Variants in GALNTL6 observed in about 807,000 individuals in gnomAD.
GALNTL6 encodes polypeptide N-acetylgalactosaminyltransferase-like 6.
GALNTL6 carries 46 observed loss-of-function variants against 73.7 expected under a neutral mutation model. That is an observed-to-expected ratio of 0.62 (90% CI 0.49 to 0.80). The LOEUF (loss-of-function observed/expected upper bound fraction) is 0.80. GALNTL6 is among the 30% of genes least tolerant of loss of function. GALNTL6 has a pLI of 0.00. For synonymous variants in GALNTL6, 259 were observed against 263.7 expected (o/e 0.98, Z 0.17); for missense variants, 604 against 755.0 (o/e 0.80, Z 2.34).
intron 2 of GALNTL6, among the ~76,000 whole-genome samples, chr4:172,117,037 C>A (rs1057015984): frequency 2.6e-5 from 4 of 152,024 alleles, no homozygotes; most frequent in African/African-American, 9.7e-5. Context: ...TTTGTTCTAG[C>A]AAAATTATTT....
At chr4:173,037,106 G>A (rs939770405) in intron 12 of GALNTL6, among the ~76,000 whole-genome samples, 2 of 152,182 alleles carry the variant, frequency 1.3e-5, no homozygotes, top group Non-Finnish European at 2.9e-5. Context: ...AAGGCAGAGG[G>A]TGCTTTGAGA....
At chr4:172,476,304 G>T (rs1415733261) in intron 5 of GALNTL6, among the ~76,000 whole-genome samples, 3 of 152,144 alleles carry the variant, frequency 2.0e-5, no homozygotes, top group Admixed American at 2.0e-4. Context: ...GGCCTCTTTT[G>T]CAAAGGCACT....
chr4:171,993,306 A>T (rs1335400665), intron 2 of GALNTL6, among the ~76,000 whole-genome samples: 1 of 152,036 alleles, frequency 6.6e-6, no homozygotes, highest in Non-Finnish European at 1.5e-5. Context: ...CTACAGGCTT[A>T]TTATGTGATA....
chr4:172,851,766 A>G (rs1232659345), intron 7 of GALNTL6, among the ~76,000 whole-genome samples: 1 of 152,204 alleles, frequency 6.6e-6, no homozygotes, highest in Non-Finnish European at 1.5e-5. Flanking sequence ...GGTTTGATTC[A>G]CCCACATTGG....
At chr4:172,802,058 A>G (rs995012376) in intron 5 of GALNTL6, among the ~76,000 whole-genome samples, 3 of 152,156 alleles carry the variant, frequency 2.0e-5, no homozygotes, top group Admixed American at 1.3e-4. Context: ...TTATTGAAAA[A>G]AATCAAGCCC....
intron 5 of GALNTL6, among the ~76,000 whole-genome samples, chr4:172,780,032 G>T (rs149944172): frequency 6.6e-6 from 1 of 151,754 alleles, no homozygotes; most frequent in African/African-American, 2.4e-5. Flanking sequence ...GCAAAATTAG[G>T]CATCACCTTA....
intron 9 of GALNTL6, among the ~76,000 whole-genome samples, chr4:172,948,732 A>G (rs1749296701): frequency 6.6e-6 from 1 of 151,614 alleles, no homozygotes; most frequent in Non-Finnish European, 1.5e-5. Context: ...CAGCCTCCCA[A>G]AGTGCTGGGA....
intron 5 of GALNTL6, among the ~76,000 whole-genome samples, chr4:172,428,697 T>G (rs982143603): frequency 1.2e-4 from 18 of 152,228 alleles, no homozygotes; most frequent in Non-Finnish European, 2.5e-4. Flanking sequence ...GGCTTTGCCC[T>G]TATTTTAATT....
At chr4:171,922,488 A>G (rs1409361790) in intron 2 of GALNTL6, among the ~76,000 whole-genome samples, 1 of 152,092 alleles carries the variant, frequency 6.6e-6, no homozygotes, top group East Asian at 1.9e-4. Context: ...AATGTACTGG[A>G]TAAGGGATTC....
intron 4 of GALNTL6, among the ~76,000 whole-genome samples, chr4:172,330,833 C>T (rs552059373): frequency 1.9e-4 from 29 of 152,234 alleles, no homozygotes; most frequent in Middle Eastern, 3.4e-3. Context: ...AAGTTGACCC[C>T]TTGCTGCTGA....
chr4:172,373,056 C>T (rs1019366148), intron 5 of GALNTL6, among the ~76,000 whole-genome samples: 7 of 152,282 alleles, frequency 4.6e-5, no homozygotes, highest in South Asian at 2.1e-4. Context: ...ATGAGGCTTC[C>T]GAACTGGTAG....
chr4:172,406,866 T>C (rs1401231433), intron 5 of GALNTL6, among the ~76,000 whole-genome samples: 1 of 152,062 alleles, frequency 6.6e-6, no homozygotes, highest in African/African-American at 2.4e-5. Flanking sequence ...ATAGTTTCAA[T>C]AATTCAAGAT....
intron 12 of GALNTL6, among the ~76,000 whole-genome samples, chr4:173,030,791 G>A (rs568659806): frequency 3.3e-5 from 5 of 150,124 alleles, no homozygotes; most frequent in African/African-American, 1.2e-4. Context: ...TTAGAGCCCA[G>A]GAGCTCAAGA....
intron 3 of GALNTL6, among the ~76,000 whole-genome samples, chr4:172,231,520 A>T (rs1333819918): frequency 2.0e-5 from 3 of 152,192 alleles, no homozygotes; most frequent in Admixed American, 2.0e-4. Flanking sequence ...ATTATACTCC[A>T]CTGTCAAATA....
intron 2 of GALNTL6, among the ~76,000 whole-genome samples, chr4:172,021,820 GC>G (rs1308445228): frequency 6.6e-6 from 1 of 151,910 alleles, no homozygotes; most frequent in African/African-American, 2.4e-5. Flanking sequence ...CAACAAAGGG[GC>G]CAAAAACTTT....
chr4:172,688,517 A>G (rs1733066480), intron 5 of GALNTL6, among the ~76,000 whole-genome samples: 1 of 152,232 alleles, frequency 6.6e-6, no homozygotes, highest in Non-Finnish European at 1.5e-5. Context: ...TCACCTTCTG[A>G]ACAACCCAAA....
At chr4:172,449,633 C>T (rs1257620131) in intron 5 of GALNTL6, among the ~76,000 whole-genome samples, 2 of 152,114 alleles carry the variant, frequency 1.3e-5, no homozygotes, top group East Asian at 1.9e-4. Flanking sequence ...CAACACTGGC[C>T]GTTCTTTCTT....
At chr4:171,935,570 A>T (rs1340574841) in intron 2 of GALNTL6, among the ~76,000 whole-genome samples, 1 of 152,150 alleles carries the variant, frequency 6.6e-6, no homozygotes, top group East Asian at 1.9e-4. Flanking sequence ...GTCCGGCTCA[A>T]GCAATCCTCT....
At chr4:171,994,241 G>A (rs1740421511) in intron 2 of GALNTL6, among the ~76,000 whole-genome samples, 2 of 152,052 alleles carry the variant, frequency 1.3e-5, no homozygotes, top group Admixed American at 1.3e-4. Flanking sequence ...TGTTGGAGCG[G>A]CCACTCAAAC....
Sources: gnomAD v4.1 joint callset for allele counts (sites outside exome capture counted in the v4.1 genomes callset) on GRCh38, gnomAD v4.1.1 for gene constraint, MANE v1.5 for transcripts, NCBI Gene and HGNC (gene_info 2026-07-23, HGNC 2026-07-21) for gene names.